The following HS3ST5 variants were observed in gnomAD, a reference collection of about 807,000 sequenced individuals.
The protein encoded by HS3ST5 is heparan sulfate glucosamine 3-O-sulfotransferase 5.
A neutral mutation model predicts 25.4 loss-of-function variants in HS3ST5; 10 were observed. The ratio of observed to expected loss-of-function variants is 0.39; its 90% CI spans 0.24 to 0.67. HS3ST5 has a LOEUF of 0.67. HS3ST5 is among the 30% of genes least tolerant of loss of function. The probability of loss-of-function intolerance (pLI) is 0.44; values close to 1 mark genes in which losing one functional copy is unlikely to be tolerated. For missense variants in HS3ST5, 324 were observed against 420.7 expected (o/e 0.77, Z 2.01); for synonymous variants, 170 against 162.4 (o/e 1.05, Z -0.36).
At chr6:114,205,558 A>C (rs1781236681) in intron 2 of HS3ST5, among the ~76,000 whole-genome samples, 1 of 152,144 alleles carries the variant, frequency 6.6e-6, no homozygotes, top group Non-Finnish European at 1.5e-5. Flanking sequence ...GATTGATGAG[A>C]TCATTGGTCA....
intron 3 of HS3ST5, among the ~76,000 whole-genome samples, chr6:114,163,553 T>C (rs1779073890): frequency 6.6e-6 from 1 of 152,182 alleles, no homozygotes; most frequent in African/African-American, 2.4e-5. Flanking sequence ...TGCTCTTCTC[T>C]AGGTGTGCCA....
intron 1 of HS3ST5, among the ~76,000 whole-genome samples, chr6:114,313,640 AT>A (rs1775628313): frequency 6.6e-6 from 1 of 152,180 alleles, no homozygotes; most frequent in East Asian, 1.9e-4. Flanking sequence ...TCAGTAGTTT[AT>A]TGGGGAGGAG....
At chr6:114,219,742 T>C (rs921057144) in intron 2 of HS3ST5, among the ~76,000 whole-genome samples, 1 of 152,132 alleles carries the variant, frequency 6.6e-6, no homozygotes, top group Admixed American at 6.5e-5. Flanking sequence ...TCAGATGTAG[T>C]TTTAAACTGT....
intron 3 of HS3ST5, among the ~76,000 whole-genome samples, chr6:114,107,360 C>T (rs111525167): frequency 2.4e-3 from 359 of 152,246 alleles, no homozygotes; most frequent in Middle Eastern, 0.01. Context: ...TGAAAACTCT[C>T]AGCAAATGAG....
intron 1 of HS3ST5, among the ~76,000 whole-genome samples, chr6:114,293,112 T>A (rs941230168): frequency 6.6e-6 from 1 of 152,056 alleles, no homozygotes. Flanking sequence ...TGCACTTAAC[T>A]CAACTCTTTG....
At chr6:114,169,961 T>G (rs1779399111) in intron 2 of HS3ST5, among the ~76,000 whole-genome samples, 1 of 152,112 alleles carries the variant, frequency 6.6e-6, no homozygotes, top group Non-Finnish European at 1.5e-5. Flanking sequence ...ACATTTGTAC[T>G]AATTCTAGAA....
chr6:114,143,779 A>T (rs1778018955), intron 3 of HS3ST5: 1 of 152,392 alleles, frequency 6.6e-6, no homozygotes, highest in Non-Finnish European at 1.5e-5. Flanking sequence ...TAACTCCAGG[A>T]TTACAAGTCC....
chr6:114,217,971 A>G (rs1781847425), intron 2 of HS3ST5, among the ~76,000 whole-genome samples: 1 of 152,162 alleles, frequency 6.6e-6, no homozygotes, highest in Non-Finnish European at 1.5e-5. Flanking sequence ...TCTAACAAAC[A>G]CTAAACTACA....
chr6:114,071,817 G>A (rs1773842165), intron 3 of HS3ST5, among the ~76,000 whole-genome samples: 1 of 152,154 alleles, frequency 6.6e-6, no homozygotes, highest in Non-Finnish European at 1.5e-5. Flanking sequence ...TAGATTCGCT[G>A]ATTGTTAATG....
intron 2 of HS3ST5, among the ~76,000 whole-genome samples, chr6:114,212,329 G>A (rs1045669281): frequency 2.6e-5 from 4 of 152,186 alleles, no homozygotes; most frequent in Non-Finnish European, 5.9e-5. Flanking sequence ...CCATTCAGTT[G>A]GGAGATGTAT....
rs867217137 is a variant in HS3ST5 at position 114,263,341 on chromosome 6, T to A, written c.-338-34563A>T. 3.9e-4 allele frequency among the ~76,000 whole-genome samples: 60 copies of A among 152,200 alleles called. 1 individual carries two copies. Among genetic ancestry groups the A allele is most frequent in the African/African-American group, 1.3e-3 (56 of 41,562 alleles). ...ATATTCAAAAATGGAAAAAAACTTA[T>A]AAGAAAAAGATCTTCACTATGCTCT... On this transcript the variant is annotated intron_variant, in intron 1 of 4. Transcript: ENST00000312719.
intron 2 of HS3ST5, among the ~76,000 whole-genome samples, chr6:114,187,485 G>A (rs1432155419): frequency 6.6e-6 from 1 of 152,166 alleles, no homozygotes; most frequent in Non-Finnish European, 1.5e-5. Flanking sequence ...AAACAGAAGT[G>A]GAGCCTGAAG....
intron 3 of HS3ST5, among the ~76,000 whole-genome samples, chr6:114,065,703 T>C (rs1288144569): frequency 6.6e-6 from 1 of 152,112 alleles, no homozygotes; most frequent in African/African-American, 2.4e-5. Flanking sequence ...CACAGATGAG[T>C]AGTGTGAGGG....
chr6:114,289,480 A>T (rs1774479070), intron 1 of HS3ST5, among the ~76,000 whole-genome samples: 1 of 152,162 alleles, frequency 6.6e-6, no homozygotes, highest in Admixed American at 6.5e-5. Context: ...AAATGGCCCC[A>T]GTCAGTGAGC....
chr6:114,121,218 A>G (rs1053229735), intron 3 of HS3ST5, among the ~76,000 whole-genome samples: 6 of 152,220 alleles, frequency 3.9e-5, no homozygotes, highest in African/African-American at 1.4e-4. Flanking sequence ...CACAGTTTAT[A>G]CATCACATAA....
intron 3 of HS3ST5, among the ~76,000 whole-genome samples, chr6:114,074,547 A>G (rs1241249118): frequency 6.6e-6 from 1 of 152,120 alleles, no homozygotes; most frequent in Non-Finnish European, 1.5e-5. Flanking sequence ...TTCTGTTTTT[A>G]GCCTCCCTCT....
At chr6:114,104,549 G>A (rs765978130) in intron 3 of HS3ST5, among the ~76,000 whole-genome samples, 1 of 152,150 alleles carries the variant, frequency 6.6e-6, no homozygotes, top group African/African-American at 2.4e-5. Context: ...CTGGTACCAC[G>A]TGGACAGAGC....
At chr6:114,191,822 G>T (rs1780517428) in intron 2 of HS3ST5, among the ~76,000 whole-genome samples, 1 of 152,120 alleles carries the variant, frequency 6.6e-6, no homozygotes, top group South Asian at 2.1e-4. Context: ...CGCTTGATTA[G>T]ATTCCTTAGT....
At chr6:114,084,053 T>A (rs1441775467) in intron 3 of HS3ST5, 2 of 569,752 alleles carry the variant, frequency 3.5e-6, no homozygotes, top group East Asian at 2.8e-5. Flanking sequence ...TCTTTTTTTA[T>A]GGTCTCAGGT....
Sources: allele counts gnomAD v4.1 joint callset (sites outside exome capture counted in the v4.1 genomes callset), GRCh38; gene constraint gnomAD v4.1.1; transcripts MANE v1.5; gene names NCBI Gene and HGNC (gene_info 2026-07-23, HGNC 2026-07-21).